Variants in MBOAT2 observed in about 807,000 individuals in gnomAD.
MBOAT2 encodes membrane bound glycerophospholipid O-acyltransferase 2, also known as membrane-bound glycerophospholipid O-acyltransferase 2.
MBOAT2 carries 28 observed loss-of-function variants against 63.4 expected under a neutral mutation model. The ratio of observed to expected loss-of-function variants is 0.44; its 90% CI spans 0.33 to 0.61. MBOAT2 has a LOEUF of 0.61. Ranked by LOEUF, MBOAT2 falls within the 20% of genes least tolerant of loss-of-function variation. The pLI, the probability that MBOAT2 is intolerant of heterozygous loss-of-function variation, is 0.03. For synonymous variants in MBOAT2, 211 were observed against 215.6 expected, an observed-to-expected ratio of 0.98 and a Z score of 0.19; for missense variants, 470 against 605.8, an observed-to-expected ratio of 0.78 and a Z score of 2.35.
At chr2:8,950,597 TTTTG>T (rs1668759758) in intron 2 of MBOAT2, among the ~76,000 whole-genome samples, 1 of 152,064 alleles carries the variant, frequency 6.6e-6, no homozygotes, top group African/African-American at 2.4e-5. Flanking sequence ...CTGGCTAATT[TTTTG>T]TATTTTTAGT....
intron 1 of MBOAT2, among the ~76,000 whole-genome samples, chr2:8,984,046 CT>C (rs1256931165): frequency 6.6e-6 from 1 of 152,094 alleles, no homozygotes; most frequent in East Asian, 1.9e-4. Context: ...TATTATTTAG[CT>C]TTTACAAGGA....
chr2:8,858,645 C>CA lies in MBOAT2; in HGVS notation c.*33dup, dbSNP rs35543955. 167,411 of 1,077,996 alleles carry CA rather than the reference C, an allele frequency of 0.16. 21 individuals carry two copies. The highest frequency in any genetic ancestry group is 0.17 in the East Asian group (4,748 of 27,250). 66.8% of individuals were successfully genotyped at this position (1,077,996 alleles called of 1,614,324 possible). ...TGCTAAGATTGGTTTCTGTTAACAT[C>CA]AAAAAAAAAAAACAGCCCTCAGAGC... On this transcript the variant is annotated 3_prime_UTR_variant, in exon 13 of 13. Transcript: ENST00000305997.
At chr2:8,937,043 T>A (rs1558634352) in intron 3 of MBOAT2, among the ~76,000 whole-genome samples, 1 of 152,198 alleles carries the variant, frequency 6.6e-6, no homozygotes, top group Non-Finnish European at 1.5e-5. Context: ...AGAGGCTCCC[T>A]ATGTTCGGCC....
At position 8,854,651 on chromosome 2, in the gene MBOAT2, CAA is replaced by C. The variant is rs954072145; in HGVS notation, c.*4026_*4027del. ...TAATTGTGAACAGTTGATAAGGAAA[CAA>C]AAAAAGTATAAATGTCCAGATTTGT... On this transcript the variant is annotated 3_prime_UTR_variant, in exon 13 of 13. Transcript: ENST00000305997. 2 of 151,838 alleles carry C rather than the reference CAA, an allele frequency of 1.3e-5. No individual in the cohort carries two copies. Among genetic ancestry groups the C allele is most frequent in the African/African-American group, 2.4e-5 (1 of 41,362 alleles). 9.4% of individuals were successfully genotyped at this position (151,838 alleles called of 1,614,324 possible). A position where few individuals can be genotyped will look rare whatever the true frequency, so the allele number is the denominator to read the frequency against.
intron 7 of MBOAT2, among the ~76,000 whole-genome samples, chr2:8,876,330 T>C (rs1349303593): frequency 6.6e-6 from 1 of 152,256 alleles, no homozygotes; most frequent in Admixed American, 6.5e-5. Context: ...TCAAATCACT[T>C]AGCCTCTGAG....
At chr2:8,997,113 G>T (rs920477168) in intron 1 of MBOAT2, among the ~76,000 whole-genome samples, 1 of 152,144 alleles carries the variant, frequency 6.6e-6, no homozygotes, top group Non-Finnish European at 1.5e-5. Context: ...AGAAAAGCCT[G>T]CTTCAATCAC....
rs1672825488 is a variant in MBOAT2 at position 9,003,120 on chromosome 2, C to G, written c.75+420G>C. Among the ~76,000 whole-genome samples, 1 of 152,154 alleles carries G rather than the reference C, an allele frequency of 6.6e-6. No individual in the cohort carries two copies. Among genetic ancestry groups the G allele is most frequent in the South Asian group, 2.1e-4 (1 of 4,826 alleles). On this transcript the variant is annotated intron_variant, in intron 1 of 12. Transcript: ENST00000305997. This position sits in a 1 kb window ranked among gnomAD's most constrained non-coding sequence, Gnocchi z 5.4. ...AGAGGCGCGCGCGGGGCAGGCAGCA[C>G]CACGCCAGGCTCCCCAAAGCGCAGC... is the stretch of plus-strand genomic sequence containing the variant.
chr2:8,989,317 T>C (rs545441742), intron 1 of MBOAT2, among the ~76,000 whole-genome samples: 43 of 152,322 alleles, frequency 2.8e-4, no homozygotes, highest in Middle Eastern at 3.4e-3. Flanking sequence ...AGAAATGGTA[T>C]TGTGGGCATG....
At chr2:8,943,087 CA>C (rs1573118970) in intron 3 of MBOAT2, 99 bp downstream of exon 3, 1 of 634,436 alleles carries the variant, frequency 1.6e-6, no homozygotes, top group Non-Finnish European at 2.5e-6. Context: ...AAAATTATCA[CA>C]ATTCATAATT....
At chr2:8,866,154 T>C (rs1475606893) in intron 9 of MBOAT2, among the ~76,000 whole-genome samples, 1 of 152,170 alleles carries the variant, frequency 6.6e-6, no homozygotes, top group Non-Finnish European at 1.5e-5. Flanking sequence ...TCAGAAAAAT[T>C]AACTCCTTTC....
intron 1 of MBOAT2, among the ~76,000 whole-genome samples, chr2:8,975,073 A>G (rs141653979): frequency 6.6e-6 from 1 of 152,270 alleles, no homozygotes; most frequent in African/African-American, 2.4e-5. Flanking sequence ...TGCTTTCTAT[A>G]AACCAACACA....
At chr2:8,968,103 G>A (rs909254156) in intron 1 of MBOAT2, among the ~76,000 whole-genome samples, 4 of 150,904 alleles carry the variant, frequency 2.7e-5, no homozygotes, top group Admixed American at 1.3e-4. Flanking sequence ...CCTGACCCCC[G>A]AGAAGCCTAA....
At chr2:8,872,968 G>T in intron 8 of MBOAT2, 140 bp downstream of exon 8, 1 of 581,052 alleles carries the variant, frequency 1.7e-6, no homozygotes, top group Non-Finnish European at 2.9e-6. Context: ...GAGTTGCGAG[G>T]GCTGTTTTTT....
chr2:8,864,050 C>A, intron 10 of MBOAT2, 120 bp downstream of exon 10: 1 of 652,294 alleles, frequency 1.5e-6, no homozygotes, highest in Non-Finnish European at 2.6e-6. Flanking sequence ...TCCCGGCTGA[C>A]ACTGAGGTCA....
chr2:8,887,516 C>G (rs1004127319), intron 5 of MBOAT2, among the ~76,000 whole-genome samples: 1 of 152,128 alleles, frequency 6.6e-6, no homozygotes, highest in African/African-American at 2.4e-5. Flanking sequence ...CTTCAGTCTT[C>G]GAAGGAATCA....
At chr2:8,928,893 C>T (rs1033089867) in intron 3 of MBOAT2, among the ~76,000 whole-genome samples, 2 of 152,172 alleles carry the variant, frequency 1.3e-5, no homozygotes, top group African/African-American at 4.8e-5. Flanking sequence ...TATACCACCT[C>T]CCTCCTAAAA....
intron 3 of MBOAT2, among the ~76,000 whole-genome samples, chr2:8,942,379 A>T (rs1668117847): frequency 6.6e-6 from 1 of 152,206 alleles, no homozygotes; most frequent in Non-Finnish European, 1.5e-5. Context: ...ACCCAGCAGG[A>T]TCTGCTAATA....
At chr2:8,940,751 A>G (rs1027071727) in intron 3 of MBOAT2, among the ~76,000 whole-genome samples, 3 of 152,250 alleles carry the variant, frequency 2.0e-5, no homozygotes, top group African/African-American at 7.2e-5. Flanking sequence ...CAATAACTAC[A>G]TTATGAATAC....
intron 7 of MBOAT2, among the ~76,000 whole-genome samples, chr2:8,873,753 A>G (rs1046581666): frequency 6.6e-6 from 1 of 152,216 alleles, no homozygotes; most frequent in Non-Finnish European, 1.5e-5. Context: ...CAATCTATGC[A>G]TCTCTGTAAA....
Sources: allele counts gnomAD v4.1 joint callset (sites outside exome capture counted in the v4.1 genomes callset), GRCh38; gene constraint gnomAD v4.1.1; non-coding constraint Gnocchi (gnomAD v3.1); transcripts MANE v1.5; gene names NCBI Gene and HGNC (gene_info 2026-07-23, HGNC 2026-07-21).